Variants in CCT6A observed in about 807,000 individuals in gnomAD.
The protein encoded by CCT6A is T-complex protein 1 subunit zeta.
A neutral mutation model predicts 58.6 loss-of-function variants in CCT6A; 6 were observed. The observed-to-expected ratio is 0.10, with a 90% CI of 0.06 to 0.20. CCT6A has a LOEUF of 0.20. Among genes scored for constraint, CCT6A ranks in the 10% least tolerant of loss-of-function variants. CCT6A has a pLI of 1.00. For synonymous variants in CCT6A, 245 were observed against 227.8 expected, an observed-to-expected ratio of 1.08 and a Z score of -0.68; for missense variants, 516 against 648.8, an observed-to-expected ratio of 0.80 and a Z score of 2.22.
chr7:56,051,950 A>C lies in CCT6A; in HGVS notation c.102A>C (p.Leu34=). The change falls in exon 1 of 14, where the codon CTA becomes CTC. Residue 34 remains leucine (L), a synonymous_variant. Transcript: ENST00000275603. ...ISAARGLQDV[L]RTNLGPKGTM... ...CAGCGCGGGGTCTGCAGGACGTGCT[A>C]AGGACCAACCTGGGGCCCAAGGGCA... 1 of 1,545,456 alleles carries C rather than the reference A, an allele frequency of 6.5e-7. No individual in the cohort carries two copies.
At chr7:56,052,731 A>G (rs1794177378) in intron 2 of CCT6A, among the ~76,000 whole-genome samples, 1 of 152,062 alleles carries the variant, frequency 6.6e-6, no homozygotes, top group Non-Finnish European at 1.5e-5. Context: ...AACTTGAAAA[A>G]TTAAGAGAGG....
At chr7:56,059,774 A>G (rs927678093) in intron 9 of CCT6A, 134 bp downstream of exon 9, 20 of 577,990 alleles carry the variant, frequency 3.5e-5, no homozygotes, top group Non-Finnish European at 5.8e-5. Flanking sequence ...CTACAGCCTC[A>G]TCTTCCTGGG....
chr7:56,059,249 C>T (rs1794380624), intron 8 of CCT6A, among the ~76,000 whole-genome samples: 1 of 152,020 alleles, frequency 6.6e-6, no homozygotes, highest in South Asian at 2.1e-4. Flanking sequence ...GATCCACCCA[C>T]CTCAACCTCC....
rs749284048 is a variant in CCT6A, at chr7:56,063,099, C to G, written c.*14C>G. ...CTGAAAGGTTGAATTGAAGCTTCCT[C>G]TGTATCTGAATCTTGAAGACTGCAA... is the stretch of plus-strand genomic sequence containing the variant. On this transcript the variant is annotated 3_prime_UTR_variant, in exon 14 of 14. Coordinates refer to ENST00000275603, the MANE Select transcript of CCT6A (RefSeq NM_001762.4). 10 of 1,556,992 alleles carry G rather than the reference C, an allele frequency of 6.4e-6. No individual in the cohort carries two copies. The highest frequency in any genetic ancestry group is 1.4e-5 in the African/African-American group (1 of 73,902).
At chr7:56,058,801 TTG>T in intron 8 of CCT6A, 99 bp downstream of exon 8, 9 of 726,394 alleles carry the variant, frequency 1.2e-5, no homozygotes, top group Non-Finnish European at 2.2e-5. Context: ...GTATAGTTAA[TTG>T]GCATTAACTA....
intron 1 of CCT6A, among the ~76,000 whole-genome samples, chr7:56,052,198 C>G (rs1286858300): frequency 6.6e-6 from 1 of 152,236 alleles, no homozygotes; most frequent in Non-Finnish European, 1.5e-5. Context: ...CAAAGCGGCT[C>G]TAGAGCGCGG....
chr7:56,052,391 A>G lies in CCT6A; in HGVS notation c.138-31A>G, dbSNP rs1446886208. 3.7e-6 allele frequency: 6 copies of G among 1,601,604 alleles called. No individual in the cohort carries two copies. In the African/African-American group the frequency reaches 5.4e-5, roughly 14 times the overall value. ...ACTTTTAGTTATCGTTGAAAAAGTC[A>G]TAGTCTGGTTCATTTCTGTCCTTTA... is the stretch of plus-strand genomic sequence containing the variant. On this transcript the variant is annotated intron_variant, in intron 1 of 13. Coordinates refer to ENST00000275603, the MANE Select transcript of CCT6A (RefSeq NM_001762.4).
intron 5 of CCT6A, among the ~76,000 whole-genome samples, chr7:56,056,789 A>G (rs1425211885): frequency 2.0e-5 from 3 of 147,228 alleles, no homozygotes; most frequent in Non-Finnish European, 4.5e-5. Context: ...TGTACAATAT[A>G]GATAGTTGGC....
chr7:56,052,610 A>G (rs1794169129), intron 2 of CCT6A, 125 bp downstream of exon 2: 3 of 813,292 alleles, frequency 3.7e-6, no homozygotes, highest in African/African-American at 3.3e-5. Flanking sequence ...GTAATCAGTA[A>G]TAGTCCTGAG....
intron 9 of CCT6A, chr7:56,060,051 G>A: frequency 5.5e-6 from 3 of 547,128 alleles, no homozygotes; most frequent in Non-Finnish European, 9.7e-6. Flanking sequence ...TCAGATTTTT[G>A]TTTATATACA....
chr7:56,056,199 CTT>C lies in CCT6A; in HGVS notation c.511-111_511-110del, dbSNP rs1039029675. On this transcript the variant is annotated intron_variant, in intron 4 of 13. Coordinates refer to ENST00000275603, the MANE Select transcript of CCT6A (RefSeq NM_001762.4). ...TATTCTATTTGCTGATAGAAAAAGA[CTT>C]AAATCAGTGTAGAATTGTAAAATGA... The C allele has an allele frequency of 5.8e-5, 42 of 722,544 alleles. No homozygotes were observed. In the African/African-American group the frequency reaches 6.8e-4, roughly 12 times the overall value. 44.8% of individuals were successfully genotyped at this position (722,544 alleles called of 1,614,324 possible). A position where few individuals can be genotyped will look rare whatever the true frequency, so the allele number is the denominator to read the frequency against.
Position 56,056,432 on chromosome 7 carries a change from G to T in CCT6A, c.614+18G>T, listed in dbSNP as rs372649626. ...GATACAAGGTAGGTGGTAGAAGACTGTGAAATACTAATGGGCATGGAGGCT... is the reference window on the plus strand; with the variant it reads ...GATACAAGGTAGGTGGTAGAAGACTTTGAAATACTAATGGGCATGGAGGCT... On this transcript the variant is annotated intron_variant, in intron 5 of 13. Transcript: ENST00000275603. 1 of 1,187,336 alleles carries T rather than the reference G, an allele frequency of 8.4e-7. No individual in the cohort carries two copies. The allele number at this position is 1,187,336 out of a possible 1,614,324, so 73.6% of individuals were successfully genotyped here. A position where few individuals can be genotyped will look rare whatever the true frequency, so the allele number is the denominator to read the frequency against.
chr7:56,054,616 G>C, intron 3 of CCT6A, 113 bp downstream of exon 3: 1 of 1,003,132 alleles, frequency 1.0e-6, no homozygotes, highest in Middle Eastern at 2.8e-4. Context: ...GAATTAGGGG[G>C]CTTAAATCTG....
chr7:56,061,246 C>T (rs1794424932), intron 11 of CCT6A, among the ~76,000 whole-genome samples: 1 of 152,032 alleles, frequency 6.6e-6, no homozygotes, highest in African/African-American at 2.4e-5. Context: ...CTATTATATA[C>T]CAGTTTTGAT....
chr7:56,059,889 C>G, intron 9 of CCT6A: 1 of 404,158 alleles, frequency 2.5e-6, no homozygotes, highest in Non-Finnish European at 4.4e-6. Context: ...TTTGTAGAAA[C>G]AGGTTCATAA....
At chr7:56,059,241 TCCACCCA>T (rs1048165728) in intron 8 of CCT6A, among the ~76,000 whole-genome samples, 1 of 152,022 alleles carries the variant, frequency 6.6e-6, no homozygotes, top group Non-Finnish European at 1.5e-5. Flanking sequence ...CCTCAAGTGA[TCCACCCA>T]CCTCAACCTC....
At position 56,055,752 on chromosome 7, in the gene CCT6A, T is replaced by C; in HGVS notation, c.465T>C (p.Ser155=). The C allele has an allele frequency of 6.2e-7, 1 of 1,613,832 alleles. No individual in the cohort carries two copies. The highest frequency in any genetic ancestry group is 8.5e-7 in the Non-Finnish European group (1 of 1,179,784). ...RETLIDVART[S]LRTKVHAELA... is the part of the protein sequence containing the mutation. ...CACTTATAGATGTGGCCAGAACATC[T>C]CTTCGTACTAAAGTTCATGCTGAAC... The change falls in exon 4 of 14, where the codon TCT becomes TCC. Residue 155 remains serine (S), a synonymous_variant. Transcript: ENST00000275603.
In CCT6A at chr7:56,058,151, A is replaced by G. The variant is rs148087479; in HGVS notation, c.725+48A>G. ...GTGAAATGGAGAAGCTTCGTATTTT[A>G]GGCGAGTTACTTTTTTGTGAAACTT... On this transcript the variant is annotated intron_variant, in intron 6 of 13. Transcript: ENST00000275603. 6.1e-6 allele frequency: 7 copies of G among 1,148,498 alleles called. No individual in the cohort carries two copies. The South Asian group carries it at 7.5e-5, about 12-fold the overall frequency. The allele number at this position is 1,148,498 out of a possible 1,614,324, so 71.1% of individuals were successfully genotyped here.
intron 12 of CCT6A, 120 bp from the exon 13 acceptor site, chr7:56,062,563 A>C (rs1451943735): frequency 5.9e-6 from 5 of 841,622 alleles, no homozygotes; most frequent in Non-Finnish European, 1.0e-5. Flanking sequence ...GCTAACAGAG[A>C]AGCTTTGAAT....
Sources: allele counts gnomAD v4.1 joint callset (sites outside exome capture counted in the v4.1 genomes callset), GRCh38; gene constraint gnomAD v4.1.1; transcripts MANE v1.5; gene names NCBI Gene and HGNC (gene_info 2026-07-23, HGNC 2026-07-21).